The following PFKFB3 variants were observed in gnomAD, a reference collection of about 807,000 sequenced individuals.
PFKFB3 encodes the protein 6-phosphofructo-2-kinase/fructose-2,6-bisphosphatase 3.
In PFKFB3, 33 loss-of-function variants were observed where a neutral mutation model predicts 68.0. The observed-to-expected ratio is 0.49, with a 90% CI of 0.37 to 0.65. PFKFB3 has a LOEUF of 0.65. Ranked by LOEUF, PFKFB3 falls within the 30% of genes least tolerant of loss-of-function variation. PFKFB3 has a pLI of 0.00. For synonymous variants in PFKFB3, 315 were observed against 288.2 expected (o/e 1.09, Z -0.94); for missense variants, 586 against 712.2 (o/e 0.82, Z 2.02).
rs887796993 is a variant in PFKFB3 at position 6,221,461 on chromosome 10, C to T, written c.912C>T (p.Thr304=). The part of the protein sequence containing the change: ...LRVWTSQLKS[T]IQTAEALRLP... ...TGTGGACCAGCCAGCTGAAGAGCAC[C>T]ATCCAGACGGCCGAGGCGCTGCGGC... The change falls in exon 9 of 15, where the codon ACC becomes ACT. Residue 304 remains threonine, a synonymous_variant. Coordinates refer to ENST00000379775, the MANE Select transcript of PFKFB3 (RefSeq NM_004566.4). 2 of 1,613,732 alleles carry T rather than the reference C, an allele frequency of 1.2e-6. No individual in the cohort carries two copies. Among genetic ancestry groups the T allele is most frequent in the African/African-American group, 1.3e-5 (1 of 74,926 alleles).
intron 1 of PFKFB3, among the ~76,000 whole-genome samples, chr10:6,151,358 G>A (rs1212347319): frequency 6.7e-6 from 1 of 149,918 alleles, no homozygotes; most frequent in Non-Finnish European, 1.5e-5. Context: ...TGACATGACA[G>A]TTCAAAAACA....
chr10:6,179,251 G>A (rs1295796830), intron 1 of PFKFB3, among the ~76,000 whole-genome samples: 4 of 152,222 alleles, frequency 2.6e-5, no homozygotes, highest in Admixed American at 1.3e-4. Flanking sequence ...GGGGCAGCTG[G>A]AATTTGAACC....
intron 1 of PFKFB3, among the ~76,000 whole-genome samples, chr10:6,156,485 A>T (rs1588390784): frequency 6.7e-6 from 1 of 149,336 alleles, no homozygotes; most frequent in Middle Eastern, 3.4e-3. Flanking sequence ...ACTTTAAATT[A>T]AATTAATTAA....
chr10:6,250,874 A>G (rs1332681075), intron 14 of PFKFB3, among the ~76,000 whole-genome samples: 2 of 152,170 alleles, frequency 1.3e-5, no homozygotes, highest in Non-Finnish European at 2.9e-5. Flanking sequence ...AGGGACTACA[A>G]CCTGTCTTAG....
chr10:6,318,807 C>G, the PFKFB3 span, among the ~76,000 whole-genome samples: 1 of 152,282 alleles, frequency 6.6e-6, no homozygotes, highest in South Asian at 2.1e-4. Context: ...GCCACGGGAC[C>G]AGCTCCGTCT....
At chr10:6,191,925 C>T (rs188356621) in intron 1 of PFKFB3, among the ~76,000 whole-genome samples, 67 of 152,126 alleles carry the variant, frequency 4.4e-4, no homozygotes, top group Admixed American at 3.0e-3. Flanking sequence ...CCCTGGTCGC[C>T]GTTCTCTGGG....
At position 6,220,835 on chromosome 10, in the gene PFKFB3, C is replaced by T. The variant is rs769493203; in HGVS notation, c.801C>T (p.Gly267=). The T allele has an allele frequency of 6.6e-5, 106 of 1,612,576 alleles. No homozygotes were observed. The highest frequency in any genetic ancestry group is 9.9e-5 in the South Asian group (9 of 91,082). ...NEHNLQGRIG[G]DSGLSSRGKK... ...ACAACCTCCAGGGCCGCATCGGGGG[C>T]GACTCAGGCCTGTCCAGCCGGGGCA... is the stretch of plus-strand genomic sequence containing the variant. The change falls in exon 8 of 15, where the codon GGC becomes GGT. Residue 267 remains glycine, a synonymous_variant. Transcript: ENST00000379775. The surrounding 1 kb of genome is among the most constrained non-coding windows in gnomAD (Gnocchi z 4.1).
chr10:6,189,512 C>CT (rs3084089), intron 1 of PFKFB3, among the ~76,000 whole-genome samples: 218 of 121,160 alleles, frequency 1.8e-3, no homozygotes, highest in African/African-American at 4.5e-3. Flanking sequence ...GTGAGGTTCA[C>CT]TTTTTTTTTT....
intron 1 of PFKFB3, chr10:6,146,261 G>T (rs1396991338): frequency 3.4e-6 from 5 of 1,463,610 alleles, no homozygotes; most frequent in South Asian, 1.3e-5. Flanking sequence ...GTGATGCTAC[G>T]GTTGCCTGGA....
chr10:6,184,625 T>G (rs934225292), intron 1 of PFKFB3, among the ~76,000 whole-genome samples: 7 of 151,878 alleles, frequency 4.6e-5, no homozygotes, highest in African/African-American at 1.5e-4. Flanking sequence ...CTCCCACCAC[T>G]GTGCCTGGCT....
At chr10:6,276,531 C>G in the PFKFB3 span, among the ~76,000 whole-genome samples, 1 of 152,094 alleles carries the variant, frequency 6.6e-6, no homozygotes, top group African/African-American at 2.4e-5. Context: ...TACAATAACT[C>G]CAATTTGGGG....
chr10:6,163,873 G>T (rs974235761), intron 1 of PFKFB3: 2 of 152,208 alleles, frequency 1.3e-5, no homozygotes, highest in African/African-American at 4.8e-5. Context: ...GCGACTGTCC[G>T]GCTCGTGAGC....
chr10:6,209,765 CT>C (rs56822740), intron 1 of PFKFB3, among the ~76,000 whole-genome samples: 17 of 121,262 alleles, frequency 1.4e-4, no homozygotes, highest in African/African-American at 3.2e-4. Flanking sequence ...CTTACCTTTT[CT>C]TTTTTTTTTT....
chr10:6,231,131 G>A, intron 14 of PFKFB3: 1 of 718,314 alleles, frequency 1.4e-6, no homozygotes, highest in Non-Finnish European at 2.4e-6. Flanking sequence ...GGGATCGAGA[G>A]ATCACCTGGC....
chr10:6,182,492 C>T (rs931724820), intron 1 of PFKFB3, among the ~76,000 whole-genome samples: 1 of 152,194 alleles, frequency 6.6e-6, no homozygotes, highest in Admixed American at 6.5e-5. Flanking sequence ...GAATGAGGGG[C>T]CTTTGAAGTC....
intron 1 of PFKFB3, among the ~76,000 whole-genome samples, chr10:6,159,920 G>C (rs1381662461): frequency 4.0e-5 from 6 of 151,136 alleles, no homozygotes; most frequent in Non-Finnish European, 8.9e-5. Flanking sequence ...CACCATGCCT[G>C]GCTATTGTTT....
chr10:6,206,915 C>T (rs1412829460), intron 1 of PFKFB3, among the ~76,000 whole-genome samples: 3 of 138,364 alleles, frequency 2.2e-5, no homozygotes, highest in East Asian at 4.9e-4. Flanking sequence ...ACATCCCAGA[C>T]GATGGGCGGC....
At chr10:6,178,148 C>T (rs1242628925) in intron 1 of PFKFB3, among the ~76,000 whole-genome samples, 4 of 152,198 alleles carry the variant, frequency 2.6e-5, no homozygotes, top group Non-Finnish European at 5.9e-5. Flanking sequence ...ATCTGAAGCC[C>T]GGTGACCTTG....
In PFKFB3 at chr10:6,192,757, C is replaced by G. The variant is rs1321279783; in HGVS notation, c.17-20866C>G. 2.0e-5 allele frequency among the ~76,000 whole-genome samples: 3 copies of G among 148,930 alleles called. No homozygotes were observed. The East Asian group carries it at 6.0e-4, about 30-fold the overall frequency. ...GCTGGGGAAACCAAGGGGTGAAGACCAAATCATAGAGCAGCCCAGATCAGA... is the reference window on the plus strand; with the variant it reads ...GCTGGGGAAACCAAGGGGTGAAGACGAAATCATAGAGCAGCCCAGATCAGA... On this transcript the variant is annotated intron_variant, in intron 1 of 14. Transcript: ENST00000379789.
Sources: allele counts gnomAD v4.1 joint callset (sites outside exome capture counted in the v4.1 genomes callset), GRCh38; gene constraint gnomAD v4.1.1; non-coding constraint Gnocchi (gnomAD v3.1); transcripts MANE v1.5; gene names NCBI Gene and HGNC (gene_info 2026-07-23, HGNC 2026-07-21).